CAAP1: variants seen among roughly 807,000 people sequenced by gnomAD.
CAAP1 encodes the protein caspase activity and apoptosis inhibitor 1.
CAAP1 carries 20 observed loss-of-function variants against 34.0 expected under a neutral mutation model. The ratio of observed to expected loss-of-function variants is 0.59; its 90% confidence interval spans 0.41 to 0.86. The LOEUF is 0.86. Ranked by LOEUF, CAAP1 falls within the 40% of genes least tolerant of loss-of-function variation. CAAP1 has a pLI of 0.00. For missense variants in CAAP1, 538 were observed against 450.5 expected (o/e 1.19, Z -1.76); for synonymous variants, 213 against 166.7 (o/e 1.28, Z -2.14).
chr9:26,872,905 C>T (rs1019037958), intron 4 of CAAP1, among the ~76,000 whole-genome samples: 11 of 152,046 alleles, frequency 7.2e-5, no homozygotes, highest in African/African-American at 2.7e-4. Flanking sequence ...TAATTTAGAA[C>T]ACACCCATCC....
chr9:26,849,014 C>T (rs1822681937), intron 5 of CAAP1, among the ~76,000 whole-genome samples: 2 of 152,092 alleles, frequency 1.3e-5, no homozygotes, highest in Non-Finnish European at 2.9e-5. Flanking sequence ...TAGATGGATT[C>T]GTTTATTTAA....
At chr9:26,877,487 G>A (rs1160836365) in intron 4 of CAAP1, among the ~76,000 whole-genome samples, 5 of 152,120 alleles carry the variant, frequency 3.3e-5, no homozygotes, top group East Asian at 3.8e-4. Flanking sequence ...GAGTACATGC[G>A]TATATCATCT....
chr9:26,843,820 A>G (rs1395192097), intron 5 of CAAP1, among the ~76,000 whole-genome samples: 1 of 152,230 alleles, frequency 6.6e-6, no homozygotes, highest in Non-Finnish European at 1.5e-5. Flanking sequence ...CTACATGCTT[A>G]TAATTGAAAA....
At position 26,892,732 on chromosome 9, in the gene CAAP1, C is replaced by G; in HGVS notation, c.-17G>C. On this transcript the variant is annotated 5_prime_UTR_variant, in exon 1 of 6. Transcript: ENST00000333916. ...CCCCGTCATGATCCCTCTGCTGCAA[C>G]CATCGGAGGAAAGTCCGCTGTCTCT... 7 of 1,564,974 alleles carry G rather than the reference C, an allele frequency of 4.5e-6. No homozygotes were observed. The highest frequency in any genetic ancestry group is 6.0e-6 in the Non-Finnish European group (7 of 1,159,948).
intron 5 of CAAP1, among the ~76,000 whole-genome samples, 193 bp downstream of exon 5, chr9:26,860,869 GTAAC>G (rs1428582448): frequency 9.9e-5 from 15 of 152,120 alleles, no homozygotes; most frequent in African/African-American, 2.2e-4. Flanking sequence ...GGTGGCTTCT[GTAAC>G]TAACTAAACA....
rs1822477406 is a variant in CAAP1, at chr9:26,841,416, C to T, written c.*885G>A. 3 of 152,506 alleles carry T rather than the reference C, an allele frequency of 2.0e-5. No individual in the cohort carries two copies. Among genetic ancestry groups the T allele is most frequent in the African/African-American group, 7.2e-5 (3 of 41,438 alleles). The allele number at this position is 152,506 out of a possible 1,614,324, so 9.4% of individuals were successfully genotyped here. The stretch of plus-strand genomic sequence containing the variant: ...TACAAAATTAGATTAATTATAACAA[C>T]AACTTATCAAAGGTTCCTGAAATTA... On this transcript the variant is annotated 3_prime_UTR_variant, in exon 6 of 6. Coordinates refer to ENST00000333916, the MANE Select transcript of CAAP1 (RefSeq NM_024828.4).
intron 2 of CAAP1, among the ~76,000 whole-genome samples, chr9:26,886,427 C>T (rs1234209658): frequency 6.6e-6 from 1 of 152,046 alleles, no homozygotes; most frequent in African/African-American, 2.4e-5. Context: ...AAGAAAAAAA[C>T]TAAAGAGTGA....
chr9:26,875,408 C>A (rs183965424), intron 4 of CAAP1, among the ~76,000 whole-genome samples: 2 of 152,086 alleles, frequency 1.3e-5, no homozygotes, highest in African/African-American at 4.8e-5. Context: ...CAGAGTGAGA[C>A]CCTGTCTCAA....
At position 26,841,329 on chromosome 9, in the gene CAAP1, A is replaced by ATT. The variant is rs1483976756; in HGVS notation, c.*971_*972insAA. ...ATTTTGGTATCAAACAACTGCAATT[A>ATT]GTGATGGGGGGATAAAAGCATCCCT... On this transcript the variant is annotated 3_prime_UTR_variant, in exon 6 of 6. Transcript: ENST00000333916. The ATT allele has an allele frequency of 1.3e-5, 2 of 152,616 alleles. No homozygotes were observed. Among genetic ancestry groups the ATT allele is most frequent in the African/African-American group, 4.8e-5 (2 of 41,464 alleles). 9.5% of individuals were successfully genotyped at this position (152,616 alleles called of 1,614,324 possible). A position where few individuals can be genotyped will look rare whatever the true frequency, so the allele number is the denominator to read the frequency against.
intron 5 of CAAP1, among the ~76,000 whole-genome samples, chr9:26,847,761 T>C (rs1822653056): frequency 6.6e-6 from 1 of 152,198 alleles, no homozygotes; most frequent in Non-Finnish European, 1.5e-5. Context: ...TATTAACATT[T>C]AGCTAAATCT....
intron 5 of CAAP1, among the ~76,000 whole-genome samples, chr9:26,856,130 G>GA (rs902830586): frequency 6.7e-6 from 1 of 148,336 alleles, no homozygotes; most frequent in Non-Finnish European, 1.5e-5. Context: ...TTTTTAAAAG[G>GA]GGGGGGGTAG....
rs552392644 is a variant in CAAP1, at chr9:26,859,662, AAT to A, written c.739+1402_739+1403del. Among the ~76,000 whole-genome samples, 213 of 152,330 alleles carry A rather than the reference AAT, an allele frequency of 1.4e-3. 2 individuals carry two copies. The highest frequency in any genetic ancestry group is 5.0e-3 in the African/African-American group (207 of 41,570). On this transcript the variant is annotated intron_variant, in intron 5 of 5. Transcript: ENST00000333916. ...GATTATGATTATATTATATAAAAAT[AAT>A]ATGTGTTTAGCATGTATTTATATGT...
At chr9:26,892,219 A>C in intron 1 of CAAP1, 194 bp downstream of exon 1, 1 of 1,408,000 alleles carries the variant, frequency 7.1e-7, no homozygotes. Flanking sequence ...AGAAACTTGA[A>C]GTTCAAGATT....
chr9:26,844,098 C>G (rs909424905), intron 5 of CAAP1, among the ~76,000 whole-genome samples: 3 of 152,170 alleles, frequency 2.0e-5, no homozygotes, highest in Non-Finnish European at 4.4e-5. Context: ...TGGCTCATGC[C>G]TGTAATCCCA....
intron 5 of CAAP1, among the ~76,000 whole-genome samples, chr9:26,856,130 G>GC (rs902830586): frequency 1.4e-4 from 21 of 148,336 alleles, no homozygotes; most frequent in Admixed American, 8.0e-4. Context: ...TTTTTAAAAG[G>GC]GGGGGGGTAG....
intron 4 of CAAP1, among the ~76,000 whole-genome samples, chr9:26,872,971 G>A (rs1047359190): frequency 2.0e-5 from 3 of 152,160 alleles, no homozygotes; most frequent in African/African-American, 7.2e-5. Flanking sequence ...TCATATAGAA[G>A]CTACTTTGAT....
At chr9:26,863,238 T>C (rs1437948207) in intron 4 of CAAP1, among the ~76,000 whole-genome samples, 25 of 152,170 alleles carry the variant, frequency 1.6e-4, no homozygotes, top group Admixed American at 1.2e-3. Flanking sequence ...TATTAGGCTG[T>C]TGAAGTCGCC....
At chr9:26,890,427 T>C (rs1310889380) in intron 1 of CAAP1, among the ~76,000 whole-genome samples, 3 of 151,510 alleles carry the variant, frequency 2.0e-5, no homozygotes, top group African/African-American at 2.4e-5. Flanking sequence ...TATCCAAAAC[T>C]GAATCTAGAA....
intron 5 of CAAP1, among the ~76,000 whole-genome samples, chr9:26,854,845 C>T (rs959565965): frequency 1.3e-5 from 2 of 152,132 alleles, no homozygotes; most frequent in African/African-American, 2.4e-5. Context: ...CAAGAGATTA[C>T]TTATATGCCT....
Sources: allele counts gnomAD v4.1 joint callset (sites outside exome capture counted in the v4.1 genomes callset), GRCh38; gene constraint gnomAD v4.1.1; transcripts MANE v1.5; gene names NCBI Gene and HGNC (gene_info 2026-07-23, HGNC 2026-07-21).